Variants in GABRA6 observed in about 807,000 individuals in gnomAD.
GABRA6 encodes the protein gamma-aminobutyric acid receptor subunit alpha-6.
A neutral mutation model predicts 47.3 loss-of-function variants in GABRA6; 45 were observed. The observed-to-expected ratio is 0.95, with a 90% confidence interval of 0.75 to 1.22. GABRA6 has a LOEUF of 1.22. Ranked by LOEUF, GABRA6 falls within the 50% of genes most tolerant of loss-of-function variation. The pLI is 0.00. For synonymous variants in GABRA6, 219 were observed against 194.7 expected (o/e 1.12, Z -1.04); for missense variants, 583 against 549.3 (o/e 1.06, Z -0.61).
chr5:161,686,343 TTGGAG>T lies in GABRA6; in HGVS notation c.153_157del (p.Phe51LeufsTer5), dbSNP rs1754692179. On this transcript the variant is annotated frameshift_variant and splice_region_variant, in exon 2 of 9. Transcript: ENST00000274545. LOFTEE classifies it high-confidence loss of function. ...TATGACAATCGGCTGCGGCCGGGAT[TTGGAG>T]GTAAGAAGCTGCATCTTTGCTACAC... The T allele has an allele frequency of 6.2e-7, 1 of 1,611,868 alleles. No homozygotes were observed. Among genetic ancestry groups the T allele is most frequent in the African/African-American group, 1.3e-5 (1 of 74,858 alleles).
At chr5:161,690,122 T>A in intron 6 of GABRA6, 79 bp from the exon 7 acceptor site, 1 of 1,335,550 alleles carries the variant, frequency 7.5e-7, no homozygotes, top group African/African-American at 1.4e-5. Context: ...AATTTAAAAG[T>A]TGTCAAGATT....
chr5:161,695,341 A>AT (rs1754868888), intron 8 of GABRA6, among the ~76,000 whole-genome samples: 1 of 152,134 alleles, frequency 6.6e-6, no homozygotes, highest in Admixed American at 6.5e-5. Context: ...TTTAAGACAT[A>AT]TGGAATTGGA....
rs750992954 is a variant in GABRA6 at position 161,701,635 on chromosome 5, G to T, written c.1224G>T (p.Ser408=). ...QSTPVTPPPL[S]PAFGGTSKID... ...CACCTGTCACACCCCCACCACTCTC[G>T]CCAGCCTTTGGAGGCACCAGTAAAA... The change falls in exon 9 of 9, where the codon TCG becomes TCT. Residue 408 remains serine (S), a synonymous_variant. Coordinates refer to ENST00000274545, the MANE Select transcript of GABRA6 (RefSeq NM_000811.3). 1 of 1,614,032 alleles carries T rather than the reference G, an allele frequency of 6.2e-7. No individual in the cohort carries two copies. Among genetic ancestry groups the T allele is most frequent in the South Asian group, 1.1e-5 (1 of 91,072 alleles).
chr5:161,690,236 CA>C lies in GABRA6; in HGVS notation c.712del (p.Arg238GlyfsTer7), dbSNP rs760926914. 1 of 1,613,644 alleles carries C rather than the reference CA, an allele frequency of 6.2e-7. No individual in the cohort carries two copies. Among genetic ancestry groups the C allele is most frequent in the East Asian group, 2.2e-5 (1 of 44,816 alleles). Reference sequence around the variant, plus strand: ...TATAATGACAGTTTACTTCCACTTGCAAAGGAAGATGGGCTACTTCATGATA... The same window carrying C: ...TATAATGACAGTTTACTTCCACTTGCAAGGAAGATGGGCTACTTCATGATA... ...YVIMTVYFHL[Q>X]RKMGYFMIQI... On this transcript the variant is annotated frameshift_variant, in exon 7 of 9. Transcript: ENST00000274545. LOFTEE classifies it high-confidence loss of function.
chr5:161,692,145 C>T lies in GABRA6; in HGVS notation c.1031C>T (p.Pro344Leu), dbSNP rs759363086. ...AAAAGGAAGGCACAGTTTGCAGCCC[C>T]ACCCACAGTGACAATATCAAAAGCT... ...KAKRKAQFAA[P>L]PTVTISKATE... The change falls in exon 8 of 9, where the codon CCA (proline) becomes CTA (leucine). Residue 344 changes from proline (P) to leucine (L), a missense_variant. Transcript: ENST00000274545. 4 of 1,614,202 alleles carry T rather than the reference C, an allele frequency of 2.5e-6. No homozygotes were observed. Among genetic ancestry groups the T allele is most frequent in the African/African-American group, 1.3e-5 (1 of 75,050 alleles).
intron 6 of GABRA6, 99 bp from the exon 7 acceptor site, chr5:161,690,102 A>C: frequency 8.8e-7 from 1 of 1,134,320 alleles, no homozygotes; most frequent in Non-Finnish European, 1.3e-6. Flanking sequence ...GTTTTCTTCC[A>C]GTCAATGTTA....
intron 8 of GABRA6, among the ~76,000 whole-genome samples, chr5:161,696,646 G>T (rs1754891220): frequency 6.6e-6 from 1 of 152,050 alleles, no homozygotes; most frequent in Non-Finnish European, 1.5e-5. Flanking sequence ...GTTTTCTAGA[G>T]ATGTTCCCTA....
Position 161,685,985 on chromosome 5 carries a change from G to C in GABRA6, c.-5G>C, listed in dbSNP as rs1216271578. On this transcript the variant is annotated 5_prime_UTR_variant, in exon 1 of 9. Transcript: ENST00000274545. ...GGTGAATTCTGCATTTCAGTGCACT[G>C]CAGGATGGCGTCGTCTCTGCCCTGG... The C allele has an allele frequency of 6.2e-7, 1 of 1,613,694 alleles. No individual in the cohort carries two copies. The highest frequency in any genetic ancestry group is 1.3e-5 in the African/African-American group (1 of 75,062).
At chr5:161,693,933 G>A (rs1022203333) in intron 8 of GABRA6, among the ~76,000 whole-genome samples, 1 of 152,126 alleles carries the variant, frequency 6.6e-6, no homozygotes, top group Non-Finnish European at 1.5e-5. Context: ...ATGCCAGGGT[G>A]CATACCACAG....
Position 161,685,858 on chromosome 5 carries a change from C to T in GABRA6, c.-132C>T, listed in dbSNP as rs1754681547. On this transcript the variant is annotated 5_prime_UTR_variant, in exon 1 of 9. Coordinates refer to ENST00000274545, the MANE Select transcript of GABRA6 (RefSeq NM_000811.3). ...GGCAACCTCTTTATCTATTGGATTACTGACTTGAGGCAAACAAGGAACAGA... is the reference window on the plus strand; with the variant it reads ...GGCAACCTCTTTATCTATTGGATTATTGACTTGAGGCAAACAAGGAACAGA... 2.5e-6 allele frequency: 2 copies of T among 799,960 alleles called. No individual in the cohort carries two copies. Among genetic ancestry groups the T allele is most frequent in the South Asian group, 1.4e-5 (1 of 72,704 alleles). The allele number at this position is 799,960 out of a possible 1,614,324, so 49.6% of individuals were successfully genotyped here. A position where few individuals can be genotyped will look rare whatever the true frequency, so the allele number is the denominator to read the frequency against.
chr5:161,701,780 G>C lies in GABRA6; in HGVS notation c.*7G>C. 6.2e-7 allele frequency: 1 copy of C among 1,613,918 alleles called. No individual in the cohort carries two copies. Among genetic ancestry groups the C allele is most frequent in the Non-Finnish European group, 8.5e-7 (1 of 1,179,818 alleles). On this transcript the variant is annotated 3_prime_UTR_variant, in exon 9 of 9. Coordinates refer to ENST00000274545, the MANE Select transcript of GABRA6 (RefSeq NM_000811.3). ...CAGTAGCAGTGTTGAATAGCTTGCG[G>C]CCAGGACAACCTGAATTCTATAAGT...
In GABRA6 at chr5:161,689,022, T is replaced by A; in HGVS notation, c.299T>A (p.Ile100Asn). 1 of 1,614,028 alleles carries A rather than the reference T, an allele frequency of 6.2e-7. No homozygotes were observed. The highest frequency in any genetic ancestry group is 8.5e-7 in the Non-Finnish European group (1 of 1,179,964). Reference protein sequence around the residue: ...ERLKFGGPTEILSLNNLMVSK... With the variant: ...ERLKFGGPTENLSLNNLMVSK... ...TTGAAGTTTGGGGGGCCAACTGAGA[T>A]TCTGAGTCTGAATAATTTGATGGTC... Residue 100 changes from isoleucine to asparagine, a missense_variant, in exon 4 of 9, where the codon ATT (isoleucine) becomes AAT (asparagine). Physicochemically the swap from Ile to Asn is moderately radical, Grantham distance 149 (BLOSUM62 -3). Coordinates refer to ENST00000274545, the MANE Select transcript of GABRA6 (RefSeq NM_000811.3).
chr5:161,691,268 G>A (rs982106704), intron 7 of GABRA6, among the ~76,000 whole-genome samples: 1 of 121,222 alleles, frequency 8.2e-6, no homozygotes, highest in Non-Finnish European at 1.8e-5. Flanking sequence ...TGAAATTCAA[G>A]TTTTTTTTCT....
intron 6 of GABRA6, 79 bp downstream of exon 6, chr5:161,689,858 C>T: frequency 6.9e-7 from 1 of 1,441,588 alleles, no homozygotes; most frequent in Non-Finnish European, 9.7e-7. Context: ...ATTTCTTTTT[C>T]CTTCGCCTTA....
chr5:161,698,752 C>T (rs551297770), intron 8 of GABRA6, among the ~76,000 whole-genome samples: 1 of 152,060 alleles, frequency 6.6e-6, no homozygotes, highest in African/African-American at 2.4e-5. Context: ...AAACTGTAAT[C>T]TAGGGATTTC....
At chr5:161,699,997 C>A (rs1022055792) in intron 8 of GABRA6, among the ~76,000 whole-genome samples, 2 of 152,290 alleles carry the variant, frequency 1.3e-5, no homozygotes, top group East Asian at 3.9e-4. Flanking sequence ...TAAAGAAACA[C>A]ATTTCTCCAT....
In GABRA6 at chr5:161,685,862, C is replaced by T; in HGVS notation, c.-128C>T. ...ACCTCTTTATCTATTGGATTACTGA[C>T]TTGAGGCAAACAAGGAACAGAGATA... On this transcript the variant is annotated 5_prime_UTR_variant, in exon 1 of 9. Transcript: ENST00000274545. 1.2e-6 allele frequency: 1 copy of T among 824,106 alleles called. No individual in the cohort carries two copies. The allele number at this position is 824,106 out of a possible 1,614,324, so 51.0% of individuals were successfully genotyped here. A position where few individuals can be genotyped will look rare whatever the true frequency, so the allele number is the denominator to read the frequency against.
rs755564181 is a variant in GABRA6, at chr5:161,690,304, G to A, written c.777G>A (p.Gln259=). 10 of 1,613,586 alleles carry A rather than the reference G, an allele frequency of 6.2e-6. No individual in the cohort carries two copies. The highest frequency in any genetic ancestry group is 1.3e-5 in the African/African-American group (1 of 74,992). Residue 259 remains glutamine (Q), a synonymous_variant, in exon 7 of 9, where the codon CAG becomes CAA. Coordinates refer to ENST00000274545, the MANE Select transcript of GABRA6 (RefSeq NM_000811.3). ...GCATTATGACAGTCATTCTTTCCCA[G>A]GTGTCTTTCTGGATTAATAAGGAGT... ...TPCIMTVILS[Q]VSFWINKESV...
At position 161,686,325 on chromosome 5, in the gene GABRA6, A is replaced by G. The variant is rs759451237; in HGVS notation, c.134A>G (p.Asn45Ser). 4 of 1,613,920 alleles carry G rather than the reference A, an allele frequency of 2.5e-6. No individual in the cohort carries two copies. The South Asian group carries it at 4.4e-5, about 18-fold the overall frequency. ...ILDNLLEGYDNRLRPGFGGAV... is the reference protein window; with the variant it reads ...ILDNLLEGYDSRLRPGFGGAV... Reference sequence around the variant, plus strand: ...GACAACTTGCTTGAAGGCTATGACAATCGGCTGCGGCCGGGATTTGGAGGT... The same window carrying G: ...GACAACTTGCTTGAAGGCTATGACAGTCGGCTGCGGCCGGGATTTGGAGGT... Residue 45 changes from asparagine (N) to serine (S), a missense_variant, in exon 2 of 9, where the codon AAT becomes AGT. Coordinates refer to ENST00000274545, the MANE Select transcript of GABRA6 (RefSeq NM_000811.3).
Sources: gnomAD v4.1 joint callset for allele counts (sites outside exome capture counted in the v4.1 genomes callset) on GRCh38, gnomAD v4.1.1 for gene constraint, MANE v1.5 for transcripts, NCBI Gene and HGNC (gene_info 2026-07-23, HGNC 2026-07-21) for gene names.